The following ARFIP1 variants were observed in gnomAD, a reference collection of about 807,000 sequenced individuals.
ARFIP1 encodes ARF interacting protein 1, also known as arfaptin-1.
In ARFIP1, 24 loss-of-function variants were observed where a neutral mutation model predicts 42.5. The observed-to-expected ratio is 0.57, with a 90% CI of 0.41 to 0.80. The LOEUF is 0.80. ARFIP1 is among the 30% of genes least tolerant of loss of function. The probability of loss-of-function intolerance (pLI) is 0.00; values close to 1 mark genes in which losing one functional copy is unlikely to be tolerated. For synonymous variants in ARFIP1, 141 were observed against 153.7 expected (o/e 0.92, Z 0.61); for missense variants, 354 against 434.0 (o/e 0.82, Z 1.64).
At chr4:152,893,188 A>G (rs984310236) in intron 8 of ARFIP1, among the ~76,000 whole-genome samples, 3 of 152,214 alleles carry the variant, frequency 2.0e-5, no homozygotes, top group Non-Finnish European at 4.4e-5. Flanking sequence ...CCTTCTTCCC[A>G]GAATTAGAGG....
intron 8 of ARFIP1, among the ~76,000 whole-genome samples, chr4:152,898,155 T>A (rs1737512573): frequency 6.6e-6 from 1 of 151,966 alleles, no homozygotes; most frequent in African/African-American, 2.4e-5. Context: ...GCTAAGTTTT[T>A]GGATTTTTAG....
chr4:152,854,669 T>C (rs1221067619), intron 2 of ARFIP1, among the ~76,000 whole-genome samples: 1 of 152,218 alleles, frequency 6.6e-6, no homozygotes, highest in Non-Finnish European at 1.5e-5. Flanking sequence ...CTACTTTGAC[T>C]TTGATTCTTG....
intron 1 of ARFIP1, among the ~76,000 whole-genome samples, chr4:152,824,980 C>CAT (rs1040407430): frequency 4.8e-5 from 7 of 146,940 alleles, no homozygotes; most frequent in Middle Eastern, 6.9e-3. Flanking sequence ...CACATACATA[C>CAT]ACACACACAC....
intron 7 of ARFIP1, among the ~76,000 whole-genome samples, chr4:152,886,285 A>G (rs1364903710): frequency 6.6e-6 from 1 of 151,982 alleles, no homozygotes; most frequent in Non-Finnish European, 1.5e-5. Context: ...TTTATGTCAG[A>G]TCAACATTCT....
At chr4:152,822,201 T>C (rs576955322) in intron 1 of ARFIP1, among the ~76,000 whole-genome samples, 19 of 145,022 alleles carry the variant, frequency 1.3e-4, no homozygotes, top group African/African-American at 4.4e-4. Flanking sequence ...AGACTCAAGG[T>C]AGAGGGATGG....
Position 152,910,270 on chromosome 4 carries a change from A to G in ARFIP1, c.*51A>G, listed in dbSNP as rs2149919674. 2 of 1,579,950 alleles carry G rather than the reference A, an allele frequency of 1.3e-6. No homozygotes were observed. Among genetic ancestry groups the G allele is most frequent in the Admixed American group, 1.8e-5 (1 of 56,460 alleles). Reference sequence around the variant, plus strand: ...GTCGCGTTGTTATATTTCTAAACCAACCTAACAAGAATTAAGCAGAGTTGG... The same window carrying G: ...GTCGCGTTGTTATATTTCTAAACCAGCCTAACAAGAATTAAGCAGAGTTGG... On this transcript the variant is annotated 3_prime_UTR_variant, in exon 9 of 9. Coordinates refer to ENST00000353617, the MANE Select transcript of ARFIP1 (RefSeq NM_001025595.3).
rs1730905925 is a variant in ARFIP1 at position 152,787,927 on chromosome 4, A to G, written c.-10+7701A>G. Among the ~76,000 whole-genome samples, 3 of 152,230 alleles carry G rather than the reference A, an allele frequency of 2.0e-5. No individual in the cohort carries two copies. In the South Asian group the frequency reaches 6.2e-4, roughly 31 times the overall value. On this transcript the variant is annotated intron_variant, in intron 1 of 8. Transcript: ENST00000353617. ...CAGTTTGACTATTTCTTTCAAGTGT[A>G]TGGAAATAAATTATTAGGCCGGGCA...
chr4:152,803,649 C>T (rs555414762), intron 1 of ARFIP1, among the ~76,000 whole-genome samples: 2 of 152,218 alleles, frequency 1.3e-5, no homozygotes, highest in African/African-American at 4.8e-5. Context: ...TTTTCAACAA[C>T]AGGCTTGTTA....
At chr4:152,822,814 G>A (rs1730498182) in intron 1 of ARFIP1, among the ~76,000 whole-genome samples, 2 of 152,116 alleles carry the variant, frequency 1.3e-5, no homozygotes, top group Admixed American at 1.3e-4. Context: ...AATGTTGTCT[G>A]GGTTAACAGT....
chr4:152,850,470 G>A (rs1269141523), intron 2 of ARFIP1, among the ~76,000 whole-genome samples: 1 of 152,118 alleles, frequency 6.6e-6, no homozygotes, highest in African/African-American at 2.4e-5. Flanking sequence ...GTTGAGGTGG[G>A]GACGAGGGCA....
intron 1 of ARFIP1, among the ~76,000 whole-genome samples, chr4:152,802,888 AT>A (rs1186985951): frequency 6.6e-6 from 1 of 152,188 alleles, no homozygotes; most frequent in Non-Finnish European, 1.5e-5. Flanking sequence ...ATGTAAAGCT[AT>A]TTATGTTAGT....
rs992407772 is a variant in ARFIP1, at chr4:152,910,097, C to A, written c.1000C>A (p.His334Asn). ...KVLHNQLVLF[H>N]NAIAAYFAGN... ...ATTGCACAATCAGCTGGTCCTTTTC[C>A]ACAATGCCATTGCCGCTTACTTTGC... Residue 334 changes from histidine (H) to asparagine (N), a missense_variant, in exon 9 of 9, where the codon CAC (histidine) becomes AAC (asparagine). Transcript: ENST00000353617. 1.9e-6 allele frequency: 3 copies of A among 1,614,084 alleles called. No individual in the cohort carries two copies. In the African/African-American group the frequency reaches 4.0e-5, roughly 22 times the overall value.
chr4:152,810,068 G>C (rs903094117), intron 1 of ARFIP1: 1 of 152,210 alleles, frequency 6.6e-6, no homozygotes, highest in African/African-American at 2.4e-5. Context: ...CTCACCTTCT[G>C]TTGGTATGCA....
chr4:152,783,397 A>G (rs998401435), intron 1 of ARFIP1, among the ~76,000 whole-genome samples: 4 of 152,264 alleles, frequency 2.6e-5, no homozygotes, highest in African/African-American at 7.2e-5. Flanking sequence ...TATATCTAAC[A>G]CTGTAACAGT....
At chr4:152,842,330 GA>G (rs57030471) in intron 2 of ARFIP1, among the ~76,000 whole-genome samples, 1,142 of 112,902 alleles carry the variant, frequency 0.01, 5 homozygotes, top group Middle Eastern at 0.025. Flanking sequence ...TCTTGCAACT[GA>G]AAAAAAAAAA....
rs1380814550 is a variant in ARFIP1 at position 152,904,174 on chromosome 4, GTGTGTGTA to G, written c.967-5888_967-5881del. Among the ~76,000 whole-genome samples, 26 of 45,222 alleles carry G rather than the reference GTGTGTGTA, an allele frequency of 5.7e-4. 1 individual carries two copies. The highest frequency in any genetic ancestry group is 6.8e-4 in the Non-Finnish European group (14 of 20,666). The allele number at this position is 45,222 out of a possible 152,430, so 29.7% of individuals were successfully genotyped here. On this transcript the variant is annotated intron_variant, in intron 8 of 8. Transcript: ENST00000353617. ...ACCCATCACCTATATATATATGTGT[GTGTGTGTA>G]TATATATATATATATATTTTTTTTT...
intron 2 of ARFIP1, among the ~76,000 whole-genome samples, chr4:152,834,882 C>A (rs1432755448): frequency 6.6e-6 from 1 of 152,220 alleles, no homozygotes; most frequent in Admixed American, 6.5e-5. Context: ...ACAGGCTTAA[C>A]ACCACATGGA....
At chr4:152,816,538 G>C (rs1171869284) in intron 1 of ARFIP1, among the ~76,000 whole-genome samples, 1 of 152,118 alleles carries the variant, frequency 6.6e-6, no homozygotes, top group African/African-American at 2.4e-5. Flanking sequence ...GGTTTTCCCT[G>C]ACCACCATAT....
At chr4:152,905,190 C>T (rs1738208935) in intron 8 of ARFIP1, among the ~76,000 whole-genome samples, 1 of 152,180 alleles carries the variant, frequency 6.6e-6, no homozygotes, top group African/African-American at 2.4e-5. Context: ...TGCTTTCATT[C>T]CTCTTAGGCA....
Sources: gnomAD v4.1 joint callset for allele counts (sites outside exome capture counted in the v4.1 genomes callset) on GRCh38, gnomAD v4.1.1 for gene constraint, MANE v1.5 for transcripts, NCBI Gene and HGNC (gene_info 2026-07-23, HGNC 2026-07-21) for gene names.